Variants in RGS6 observed in about 807,000 individuals in gnomAD.
The protein encoded by RGS6 is regulator of G-protein signaling 6.
RGS6 carries 30 observed loss-of-function variants against 78.5 expected under a neutral mutation model. That is an observed-to-expected ratio of 0.38 (90% confidence interval 0.29 to 0.52). The LOEUF (loss-of-function observed/expected upper bound fraction) is 0.52. Among genes scored for constraint, RGS6 ranks in the 20% least tolerant of loss-of-function variants. RGS6 has a pLI of 0.85. For missense variants in RGS6, 495 were observed against 609.7 expected (o/e 0.81, Z 1.98); for synonymous variants, 206 against 206.0 (o/e 1.00, Z 0.00).
At chr14:72,138,457 T>G (rs1477607610) in intron 2 of RGS6, among the ~76,000 whole-genome samples, 2 of 149,732 alleles carry the variant, frequency 1.3e-5, no homozygotes, top group African/African-American at 4.9e-5. Flanking sequence ...CTGTTTTTTT[T>G]TTTTTTTTTT....
intron 3 of RGS6, among the ~76,000 whole-genome samples, chr14:72,394,292 A>C (rs945859275): frequency 6.6e-5 from 10 of 152,226 alleles, no homozygotes; most frequent in African/African-American, 2.2e-4. Context: ...GATTTTCAAA[A>C]GGGGAGGGAG....
chr14:72,619,780 A>C, the RGS6 span: 56 of 967,978 alleles, frequency 5.8e-5, no homozygotes, highest in Non-Finnish European at 7.5e-5. Context: ...GTGATGATTA[A>C]ATGAGACAAG....
intron 2 of RGS6, among the ~76,000 whole-genome samples, chr14:72,102,337 G>A (rs945675533): frequency 1.3e-5 from 2 of 152,136 alleles, no homozygotes; most frequent in East Asian, 3.9e-4. Context: ...ATTAGTATGT[G>A]TACAGAAAAT....
At chr14:72,546,232 T>C (rs2097400228) in intron 17 of RGS6, among the ~76,000 whole-genome samples, 1 of 152,252 alleles carries the variant, frequency 6.6e-6, no homozygotes, top group Admixed American at 6.5e-5. Context: ...ATGCTTCGCT[T>C]CTTATCTTGA....
At chr14:71,877,989 C>G in the RGS6 span, among the ~76,000 whole-genome samples, 1 of 152,170 alleles carries the variant, frequency 6.6e-6, no homozygotes, top group Admixed American at 6.5e-5. Flanking sequence ...GCAGAGGCAG[C>G]AGAACCACAA....
chr14:72,237,547 A>G (rs1385087022), intron 2 of RGS6, among the ~76,000 whole-genome samples: 2 of 152,184 alleles, frequency 1.3e-5, no homozygotes, highest in Non-Finnish European at 2.9e-5. Flanking sequence ...AATCCACACA[A>G]TGGAAGCTGA....
intron 2 of RGS6, among the ~76,000 whole-genome samples, chr14:72,278,623 A>C (rs1048265009): frequency 2.0e-5 from 3 of 152,164 alleles, no homozygotes; most frequent in African/African-American, 7.2e-5. Context: ...TATATGTTTT[A>C]TATACTTAGA....
chr14:72,548,058 T>C (rs535319131), intron 17 of RGS6, among the ~76,000 whole-genome samples: 6 of 152,260 alleles, frequency 3.9e-5, no homozygotes, highest in Middle Eastern at 6.8e-3. Flanking sequence ...AGTGAGTATA[T>C]TCAGCGTCTT....
intron 2 of RGS6, among the ~76,000 whole-genome samples, chr14:72,299,098 T>C (rs186464074): frequency 6.6e-6 from 1 of 152,370 alleles, no homozygotes; most frequent in East Asian, 1.9e-4. Context: ...TTACCTTTTA[T>C]TGTGTCTTTG....
intron 2 of RGS6, among the ~76,000 whole-genome samples, chr14:71,997,607 T>A (rs1252997450): frequency 1.3e-5 from 2 of 152,112 alleles, no homozygotes; most frequent in Admixed American, 6.6e-5. Flanking sequence ...GAAGGAGAGA[T>A]GAGATTTTTC....
At chr14:72,599,106 C>T in the RGS6 span, among the ~76,000 whole-genome samples, 1 of 152,204 alleles carries the variant, frequency 6.6e-6, no homozygotes, top group Non-Finnish European at 1.5e-5. Context: ...GTTCTCCTCT[C>T]CCATAAAATT....
chr14:71,914,287 T>C, the RGS6 span, among the ~76,000 whole-genome samples: 1 of 152,190 alleles, frequency 6.6e-6, no homozygotes, highest in Middle Eastern at 3.2e-3. Flanking sequence ...TGGCCATGGT[T>C]CATTTCTTGT....
chr14:72,248,803 A>G (rs2153835868), intron 2 of RGS6, among the ~76,000 whole-genome samples: 2 of 152,330 alleles, frequency 1.3e-5, no homozygotes, highest in South Asian at 4.1e-4. Context: ...CAGATTCTGC[A>G]TTTTAGTAAG....
At chr14:71,873,645 A>G in the RGS6 span, among the ~76,000 whole-genome samples, 1 of 152,192 alleles carries the variant, frequency 6.6e-6, no homozygotes, top group East Asian at 1.9e-4. Flanking sequence ...TGTTTAGTTT[A>G]ATTAGATCCC....
At chr14:72,068,567 G>A (rs2094275597) in intron 2 of RGS6, among the ~76,000 whole-genome samples, 1 of 142,322 alleles carries the variant, frequency 7.0e-6, no homozygotes, top group Non-Finnish European at 1.5e-5. Flanking sequence ...GCGCAATCTT[G>A]GCTAGCTGTA....
At chr14:72,496,130 A>G (rs562102014) in intron 13 of RGS6, among the ~76,000 whole-genome samples, 2 of 152,320 alleles carry the variant, frequency 1.3e-5, no homozygotes, top group East Asian at 1.9e-4. Flanking sequence ...AAAAAGTTCA[A>G]ATTATCCAGA....
At chr14:72,621,017 T>C in the RGS6 span, among the ~76,000 whole-genome samples, 1 of 152,048 alleles carries the variant, frequency 6.6e-6, no homozygotes, top group Admixed American at 6.6e-5. Context: ...GGCGTGCACC[T>C]GTAATCCCAG....
At chr14:72,162,694 A>T (rs886942321) in intron 2 of RGS6, among the ~76,000 whole-genome samples, 1 of 152,214 alleles carries the variant, frequency 6.6e-6, no homozygotes, top group Non-Finnish European at 1.5e-5. Flanking sequence ...ATACTTGTAT[A>T]TGCATATTTA....
At chr14:72,023,902 G>A (rs2089275463) in intron 2 of RGS6, among the ~76,000 whole-genome samples, 1 of 152,218 alleles carries the variant, frequency 6.6e-6, no homozygotes, top group South Asian at 2.1e-4. Flanking sequence ...TGGAACCGCA[G>A]AGGGCTTGGT....
Sources: gnomAD v4.1 joint callset for allele counts (sites outside exome capture counted in the v4.1 genomes callset) on GRCh38, gnomAD v4.1.1 for gene constraint, MANE v1.5 for transcripts, NCBI Gene and HGNC (gene_info 2026-07-23, HGNC 2026-07-21) for gene names.